Variants in EPB41L1 observed in about 807,000 individuals in gnomAD.
The protein encoded by EPB41L1 is erythrocyte membrane protein band 4.1 like 1.
Under a neutral mutation model 97.8 loss-of-function variants are expected in EPB41L1, and 29 were observed. The observed-to-expected ratio is 0.30, with a 90% CI of 0.22 to 0.40. EPB41L1 has a LOEUF of 0.40. Among genes scored for constraint, EPB41L1 ranks in the 10% least tolerant of loss-of-function variants. EPB41L1 has a pLI of 1.00. For missense variants in EPB41L1, 812 were observed against 1,162.3 expected (o/e 0.70, Z 4.38); for synonymous variants, 383 against 459.2 (o/e 0.83, Z 2.12).
At chr20:36,196,797 T>C (rs987737901) in intron 13 of EPB41L1, among the ~76,000 whole-genome samples, 2 of 152,256 alleles carry the variant, frequency 1.3e-5, no homozygotes, top group African/African-American at 4.8e-5. Flanking sequence ...ATAAGCGTCC[T>C]TGGGCTGCCA....
chr20:36,173,896 C>T lies in EPB41L1; in HGVS notation c.119C>T (p.Pro40Leu). 6.2e-7 allele frequency: 1 copy of T among 1,614,012 alleles called. No homozygotes were observed. ...TPVTPAGHGH[P>L]EANSNEKHPS... ...GTGACCCCTGCAGGCCACGGCCACC[C>T]AGAGGCCAACTCCAATGAGAAGCAT... The change falls in exon 2 of 22, where the codon CCA (proline) becomes CTA (leucine). Residue 40 changes from proline (P) to leucine (L), a missense_variant. Physicochemically the swap from Pro to Leu is moderately conservative, Grantham distance 98. Coordinates refer to ENST00000338074, the MANE Select transcript of EPB41L1 (RefSeq NM_012156.2).
intron 2 of EPB41L1, among the ~76,000 whole-genome samples, chr20:36,142,553 C>A (rs2059679787): frequency 6.6e-6 from 1 of 152,198 alleles, no homozygotes; most frequent in Admixed American, 6.5e-5. Flanking sequence ...TGAATCTGCC[C>A]AATTTATTGG....
At chr20:36,132,234 G>A (rs1286774797) in intron 2 of EPB41L1, among the ~76,000 whole-genome samples, 1 of 152,076 alleles carries the variant, frequency 6.6e-6, no homozygotes, top group East Asian at 1.9e-4. Context: ...GGACCTTATG[G>A]GGCCGAAGTC....
chr20:36,222,383 A>C lies in EPB41L1; in HGVS notation c.2626A>C (p.Lys876Gln). 1 of 1,613,840 alleles carries C rather than the reference A, an allele frequency of 6.2e-7. No individual in the cohort carries two copies. The highest frequency in any genetic ancestry group is 8.5e-7 in the Non-Finnish European group (1 of 1,179,842). Residue 876 changes from lysine to glutamine, a missense_variant, in exon 21 of 22, where the codon AAG becomes CAG. Physicochemically the swap from Lys to Gln is moderately conservative, Grantham distance 53. This residue lies in a region of EPB41L1 where 498 missense variants were observed against 622.7 expected (regional missense o/e 0.80). Transcript: ENST00000338074. ...AGACCCATCCCCAGAGGAGAGGGAC[A>C]AGAAGCCACAGGTAAGGCTCCTGAG... ...ETDPSPEERDKKPQES is the reference protein window; with the variant it reads ...ETDPSPEERDQKPQES
At position 36,198,019 on chromosome 20, in the gene EPB41L1, G is replaced by A. The variant is rs767586892; in HGVS notation, c.1646G>A (p.Gly549Asp). The A allele has an allele frequency of 2.5e-6, 4 of 1,613,412 alleles. No homozygotes were observed. Among genetic ancestry groups the A allele is most frequent in the Non-Finnish European group, 3.4e-6 (4 of 1,179,918 alleles). Residue 549 changes from glycine to aspartate, a missense_variant, in exon 14 of 22, where the codon GGC (glycine) becomes GAC (aspartate). Physicochemically the swap from Gly to Asp is moderately conservative, Grantham distance 94 (BLOSUM62 -1). This residue lies in a region of EPB41L1 where 498 missense variants were observed against 622.7 expected (regional missense o/e 0.80). Transcript: ENST00000338074. The part of the protein sequence containing the change: ...PSSPASPSPK[G>D]TPEKANERAG... ...TCCCCCGCCTCCCCCTCCCCCAAGG[G>A]CACCCCTGAGAAAGCCAATGAGGTA...
chr20:36,126,055 G>C (rs753014297), intron 2 of EPB41L1, among the ~76,000 whole-genome samples: 3 of 152,162 alleles, frequency 2.0e-5, no homozygotes, highest in African/African-American at 4.8e-5. Flanking sequence ...TATGGACAGT[G>C]CATGTGGGTT....
intron 2 of EPB41L1, among the ~76,000 whole-genome samples, chr20:36,132,269 G>C (rs994828029): frequency 6.6e-6 from 1 of 152,142 alleles, no homozygotes; most frequent in Non-Finnish European, 1.5e-5. Context: ...GCTGCTAGGG[G>C]AGGATCCTCA....
chr20:36,180,522 T>C (rs1438924812), intron 5 of EPB41L1, among the ~76,000 whole-genome samples: 1 of 152,180 alleles, frequency 6.6e-6, no homozygotes, highest in Non-Finnish European at 1.5e-5. Context: ...AGGTGCTCAG[T>C]AGCTGTTTTC....
chr20:36,101,995 ACT>A (rs1290539852), intron 1 of EPB41L1, among the ~76,000 whole-genome samples: 1 of 150,764 alleles, frequency 6.6e-6, no homozygotes, highest in African/African-American at 2.5e-5. Flanking sequence ...ACAGAGTGAG[ACT>A]CTGTCTCAAA....
At chr20:36,177,926 C>T in intron 3 of EPB41L1, 26 bp from the exon 4 acceptor site, 8 of 1,596,750 alleles carry the variant, frequency 5.0e-6, no homozygotes, top group Non-Finnish European at 6.9e-6. Flanking sequence ...GCTTCAGCCT[C>T]ATAGCTGCTC....
chr20:36,163,822 C>G (rs569911668), intron 1 of EPB41L1, among the ~76,000 whole-genome samples: 10 of 152,112 alleles, frequency 6.6e-5, no homozygotes, highest in Middle Eastern at 6.8e-3. Flanking sequence ...CCCAGGATCT[C>G]TCTCCTTCCA....
intron 1 of EPB41L1, among the ~76,000 whole-genome samples, chr20:36,105,709 C>T (rs570722473): frequency 6.6e-6 from 1 of 152,178 alleles, no homozygotes; most frequent in Non-Finnish European, 1.5e-5. Flanking sequence ...CAGCCTCTAT[C>T]CCCTTGCAAA....
intron 1 of EPB41L1, among the ~76,000 whole-genome samples, chr20:36,098,822 A>G (rs1170778255): frequency 2.0e-5 from 3 of 152,156 alleles, no homozygotes; most frequent in Non-Finnish European, 4.4e-5. Flanking sequence ...TGGAGCCTCT[A>G]TGAAATGGAG....
chr20:36,167,760 AG>A (rs2060801417), intron 1 of EPB41L1, among the ~76,000 whole-genome samples: 1 of 151,686 alleles, frequency 6.6e-6, no homozygotes. Context: ...ATAAATAAAG[AG>A]GGTGTCCATT....
intron 12 of EPB41L1, among the ~76,000 whole-genome samples, chr20:36,194,877 C>T (rs2062118999): frequency 1.3e-5 from 2 of 152,166 alleles, no homozygotes; most frequent in African/African-American, 2.4e-5. Flanking sequence ...CAGATGTATG[C>T]ACCCGTCACC....
chr20:36,189,800 T>C (rs2146325723), intron 9 of EPB41L1, among the ~76,000 whole-genome samples: 1 of 152,322 alleles, frequency 6.6e-6, no homozygotes, highest in East Asian at 1.9e-4. Flanking sequence ...TTGGTCTCCA[T>C]GTATCTCTAG....
At chr20:36,183,114 G>A (rs1011466460) in intron 6 of EPB41L1, among the ~76,000 whole-genome samples, 3 of 152,208 alleles carry the variant, frequency 2.0e-5, no homozygotes, top group East Asian at 1.9e-4. Context: ...AAACCAGAAC[G>A]GGGGAAGCCC....
Position 36,194,283 on chromosome 20 carries a change from G to T in EPB41L1, c.1372G>T (p.Asp458Tyr). The T allele has an allele frequency of 6.2e-7, 1 of 1,614,178 alleles. No individual in the cohort carries two copies. The highest frequency in any genetic ancestry group is 8.5e-7 in the Non-Finnish European group (1 of 1,180,026). Residue 458 changes from aspartate to tyrosine, a missense_variant, in exon 12 of 22, where the codon GAT becomes TAT. By Grantham distance (160) the Asp-to-Tyr change is radical (BLOSUM62 -3). Coordinates refer to ENST00000338074, the MANE Select transcript of EPB41L1 (RefSeq NM_012156.2). ...GCCTGACGGTGACAAGCGGGATGAGGATGGCGAGTCTGGGGGGCAACGGTC... is the reference window on the plus strand; with the variant it reads ...GCCTGACGGTGACAAGCGGGATGAGTATGGCGAGTCTGGGGGGCAACGGTC... ...AGPDGDKRDEDGESGGQRSEA... is the reference protein window; with the variant it reads ...AGPDGDKRDEYGESGGQRSEA...
chr20:36,097,209 G>T (rs763850807), intron 1 of EPB41L1, among the ~76,000 whole-genome samples: 1 of 152,196 alleles, frequency 6.6e-6, no homozygotes, highest in Admixed American at 6.5e-5. Context: ...CTTTTGGCAC[G>T]TGTCCATCTC....
Sources: gnomAD v4.1 joint callset for allele counts (sites outside exome capture counted in the v4.1 genomes callset) on GRCh38, gnomAD v4.1.1 for gene constraint, gnomAD v4.1.1 regional missense constraint, MANE v1.5 for transcripts, NCBI Gene and HGNC (gene_info 2026-07-23, HGNC 2026-07-21) for gene names.